Variants in KCND2 observed in about 807,000 individuals in gnomAD.
KCND2 encodes the protein A-type voltage-gated potassium channel KCND2.
In KCND2, 16 loss-of-function variants were observed where a neutral mutation model predicts 54.4. The observed-to-expected ratio is 0.29, with a 90% confidence interval of 0.20 to 0.45. The LOEUF is 0.45. KCND2 is among the 20% of genes least tolerant of loss of function. The probability of loss-of-function intolerance (pLI) is 1.00; values close to 1 mark genes in which losing one functional copy is unlikely to be tolerated. For missense variants in KCND2, 486 were observed against 824.2 expected (o/e 0.59, Z 5.02); for synonymous variants, 317 against 310.7 (o/e 1.02, Z -0.21).
chr7:120,614,394 T>G (rs1237853361), intron 1 of KCND2, among the ~76,000 whole-genome samples: 2 of 152,238 alleles, frequency 1.3e-5, no homozygotes, highest in Non-Finnish European at 2.9e-5. Context: ...TGAAGAGTTA[T>G]TTTGAGGTTT....
chr7:120,507,490 A>T (rs1160175286), intron 1 of KCND2, among the ~76,000 whole-genome samples: 1 of 151,932 alleles, frequency 6.6e-6, no homozygotes, highest in Non-Finnish European at 1.5e-5. Flanking sequence ...GGCAAATGGG[A>T]TGTAAGCAGA....
intron 1 of KCND2, among the ~76,000 whole-genome samples, chr7:120,714,775 T>C (rs762194936): frequency 2.0e-5 from 3 of 151,984 alleles, no homozygotes; most frequent in African/African-American, 4.8e-5. Context: ...ACACCATATA[T>C]ATATGACAAG....
chr7:120,546,160 A>G (rs1014819232), intron 1 of KCND2, among the ~76,000 whole-genome samples: 11 of 151,926 alleles, frequency 7.2e-5, no homozygotes. Flanking sequence ...CTACCCCTCC[A>G]TGGGACACAA....
chr7:120,712,563 A>T (rs1161211376), intron 1 of KCND2, among the ~76,000 whole-genome samples: 1 of 151,918 alleles, frequency 6.6e-6, no homozygotes, highest in East Asian at 1.9e-4. Context: ...GCCTGGCCTG[A>T]AATGTGCTTT....
At chr7:120,293,212 A>AT (rs751519783) in intron 1 of KCND2, among the ~76,000 whole-genome samples, 8 of 151,906 alleles carry the variant, frequency 5.3e-5, no homozygotes, top group Non-Finnish European at 1.0e-4. Context: ...AAATGTCTCC[A>AT]TTAGTCTGTT....
intron 1 of KCND2, among the ~76,000 whole-genome samples, chr7:120,683,449 C>T (rs1792164336): frequency 6.6e-6 from 1 of 152,070 alleles, no homozygotes. Context: ...AATAGAAGCA[C>T]TAATTTGAAA....
intron 1 of KCND2, among the ~76,000 whole-genome samples, chr7:120,607,129 G>A (rs1446075378): frequency 6.6e-6 from 1 of 152,064 alleles, no homozygotes. Flanking sequence ...GGGGAGAAGA[G>A]AATGAGAACA....
At chr7:120,442,030 G>A (rs1395798609) in intron 1 of KCND2, among the ~76,000 whole-genome samples, 1 of 152,036 alleles carries the variant, frequency 6.6e-6, no homozygotes, top group Non-Finnish European at 1.5e-5. Flanking sequence ...ACCAGACACA[G>A]GCATATACTT....
intron 1 of KCND2, among the ~76,000 whole-genome samples, chr7:120,424,293 A>C (rs1330230726): frequency 6.6e-6 from 1 of 152,248 alleles, no homozygotes; most frequent in Admixed American, 6.5e-5. Flanking sequence ...ATTACCATCT[A>C]CAAAATGTAG....
chr7:120,391,568 G>A (rs1187654384), intron 1 of KCND2, among the ~76,000 whole-genome samples: 1 of 151,928 alleles, frequency 6.6e-6, no homozygotes, highest in Non-Finnish European at 1.5e-5. Flanking sequence ...CCGCAACCTC[G>A]TCAGCATCTG....
chr7:120,701,803 TAACTC>T (rs1424180219), intron 1 of KCND2, among the ~76,000 whole-genome samples: 3 of 152,028 alleles, frequency 2.0e-5, no homozygotes, highest in East Asian at 1.9e-4. Flanking sequence ...ATATAAAAAT[TAACTC>T]AAGAAAGATT....
At chr7:120,454,395 CA>C (rs1373293143) in intron 1 of KCND2, among the ~76,000 whole-genome samples, 2 of 152,100 alleles carry the variant, frequency 1.3e-5, no homozygotes, top group African/African-American at 2.4e-5. Flanking sequence ...CACAGAAGCA[CA>C]AAAATCCCTC....
chr7:120,497,678 A>C (rs1032181804), intron 1 of KCND2, among the ~76,000 whole-genome samples: 1 of 152,198 alleles, frequency 6.6e-6, no homozygotes, highest in African/African-American at 2.4e-5. Context: ...TCCGTTCAGC[A>C]GGATAGAGGC....
chr7:120,690,903 G>A (rs1294376781), intron 1 of KCND2, among the ~76,000 whole-genome samples: 4 of 152,146 alleles, frequency 2.6e-5, no homozygotes, highest in Non-Finnish European at 5.9e-5. Context: ...TAAAGAAAAA[G>A]AAAACGAGAA....
chr7:120,682,290 G>A (rs1792149223), intron 1 of KCND2, among the ~76,000 whole-genome samples: 1 of 151,642 alleles, frequency 6.6e-6, no homozygotes. Flanking sequence ...AATAAACATG[G>A]GGTATTAATA....
intron 1 of KCND2, among the ~76,000 whole-genome samples, chr7:120,671,350 A>G (rs1791990956): frequency 6.6e-6 from 1 of 151,880 alleles, no homozygotes; most frequent in African/African-American, 2.4e-5. Flanking sequence ...ATCTGATTTG[A>G]CAGGAGGTGG....
rs923179893 is a variant in KCND2, at chr7:120,275,681, C to T, written c.1049C>T (p.Ser350Leu). The T allele has an allele frequency of 1.9e-5, 30 of 1,602,560 alleles. No homozygotes were observed. The highest frequency in any genetic ancestry group is 4.5e-5 in the East Asian group (2 of 44,856). ...ATGTTCTACGCAGAGAAGGGGTCTT[C>T]GGCTAGCAAGTTCACCAGCATCCCT... ...TVMFYAEKGSSASKFTSIPAA... is the reference protein window; with the variant it reads ...TVMFYAEKGSLASKFTSIPAA... The change falls in exon 1 of 6, where the codon TCG becomes TTG. Residue 350 changes from serine (S) to leucine (L), a missense_variant. Physicochemically the swap from Ser to Leu is moderately radical, Grantham distance 145. Coordinates refer to ENST00000331113, the MANE Select transcript of KCND2 (RefSeq NM_012281.3).
upstream of KCND2, among the ~76,000 whole-genome samples, chr7:120,273,171 T>C (rs958859530): frequency 1.3e-5 from 2 of 152,146 alleles, no homozygotes; most frequent in Admixed American, 6.5e-5. Flanking sequence ...AGGAGACGCC[T>C]TTCCTAACCT....
chr7:120,506,406 C>T (rs1803019984), intron 1 of KCND2, among the ~76,000 whole-genome samples: 1 of 151,712 alleles, frequency 6.6e-6, no homozygotes, highest in African/African-American at 2.4e-5. Flanking sequence ...GTTCTATGGC[C>T]ATAGATTGCA....
Sources: allele counts gnomAD v4.1 joint callset (sites outside exome capture counted in the v4.1 genomes callset), GRCh38; gene constraint gnomAD v4.1.1; transcripts MANE v1.5; gene names NCBI Gene and HGNC (gene_info 2026-07-23, HGNC 2026-07-21).